ENTHD1: variants seen among roughly 807,000 people sequenced by gnomAD.
ENTHD1 encodes ENTH domain-containing protein 1.
A neutral mutation model predicts 39.1 loss-of-function variants in ENTHD1; 23 were observed. The observed-to-expected ratio is 0.59, with a 90% CI of 0.42 to 0.83. ENTHD1 has a LOEUF of 0.83. Among genes scored for constraint, ENTHD1 ranks in the 40% least tolerant of loss-of-function variants. The pLI is 0.00. For synonymous variants in ENTHD1, 230 were observed against 258.2 expected (o/e 0.89, Z 1.05); for missense variants, 624 against 705.4 (o/e 0.88, Z 1.31).
intron 4 of ENTHD1, among the ~76,000 whole-genome samples, chr22:39,824,499 G>A (rs1487706308): frequency 1.3e-5 from 2 of 152,042 alleles, no homozygotes; most frequent in Non-Finnish European, 2.9e-5. Flanking sequence ...GTGAGCCACC[G>A]CACCCGGCCC....
At chr22:39,771,429 A>C (rs578083061) in intron 5 of ENTHD1, among the ~76,000 whole-genome samples, 1 of 152,334 alleles carries the variant, frequency 6.6e-6, no homozygotes, top group South Asian at 2.1e-4. Context: ...CCAGAAAACA[A>C]GATTCAGAGC....
At chr22:39,761,252 G>A (rs1056321979) in intron 6 of ENTHD1, among the ~76,000 whole-genome samples, 2 of 152,084 alleles carry the variant, frequency 1.3e-5, no homozygotes, top group Non-Finnish European at 2.9e-5. Flanking sequence ...CTTAAAAGAT[G>A]ACTTTTCATT....
intron 6 of ENTHD1, among the ~76,000 whole-genome samples, chr22:39,745,762 A>G (rs1485630901): frequency 6.6e-6 from 1 of 152,244 alleles, no homozygotes; most frequent in Non-Finnish European, 1.5e-5. Flanking sequence ...ATGTCTGAAA[A>G]TGTCTGTACT....
intron 3 of ENTHD1, among the ~76,000 whole-genome samples, chr22:39,840,011 C>T (rs1950401524): frequency 6.6e-6 from 1 of 152,190 alleles, no homozygotes; most frequent in African/African-American, 2.4e-5. Flanking sequence ...TATCAGATAG[C>T]ATAACACTGG....
intron 5 of ENTHD1, among the ~76,000 whole-genome samples, chr22:39,793,445 C>A (rs536238946): frequency 1.3e-5 from 2 of 151,186 alleles, no homozygotes; most frequent in South Asian, 4.2e-4. Context: ...AACAGGTTGT[C>A]TCTTCACCTT....
Position 39,765,345 on chromosome 22 carries a change from C to T in ENTHD1, c.1097G>A (p.Cys366Tyr). The change falls in exon 6 of 7, where the codon TGT (cysteine) becomes TAT (tyrosine). Residue 366 changes from cysteine to tyrosine, a missense_variant. Coordinates refer to ENST00000325157, the MANE Select transcript of ENTHD1 (RefSeq NM_152512.4). ...AAATATTTTGAATGAGGGAGAGAGA[C>T]AGAGTGTTTCTACAGAGGCCTGGTT... ...FHNQASVETL[C>Y]LSPSFKIFDR... 1.2e-6 allele frequency: 2 copies of T among 1,613,928 alleles called. No individual in the cohort carries two copies. The highest frequency in any genetic ancestry group is 1.1e-5 in the South Asian group (1 of 91,060).
chr22:39,744,276 A>G lies in ENTHD1; in HGVS notation c.1227T>C (p.Thr409=). ...KILKTTTRVS[T]ASEGASSFSP... is the part of the protein sequence containing the mutation. ...AAAAGGAAGATGCTCCCTCAGAAGC[A>G]GTTGAAACTAAAATGTGTAAATGAG... The change falls in exon 7 of 7, where the codon ACT becomes ACC. Residue 409 remains threonine, a synonymous_variant. Transcript: ENST00000325157. 1 of 1,590,398 alleles carries G rather than the reference A, an allele frequency of 6.3e-7. No homozygotes were observed. Among genetic ancestry groups the G allele is most frequent in the Admixed American group, 1.8e-5 (1 of 54,264 alleles).
chr22:39,838,528 T>C, intron 3 of ENTHD1, among the ~76,000 whole-genome samples: 1 of 152,148 alleles, frequency 6.6e-6, no homozygotes, highest in East Asian at 1.9e-4. Context: ...TATACAAATA[T>C]AAATAAAATA....
intron 2 of ENTHD1, among the ~76,000 whole-genome samples, chr22:39,862,546 CAAAA>C (rs553393294): frequency 7.1e-5 from 5 of 70,370 alleles, no homozygotes; most frequent in African/African-American, 1.1e-4. Context: ...GACTCTGTCT[CAAAA>C]AAAAAAAAAA....
At chr22:39,784,370 A>G (rs1569138789) in intron 5 of ENTHD1, among the ~76,000 whole-genome samples, 2 of 152,154 alleles carry the variant, frequency 1.3e-5, no homozygotes, top group African/African-American at 2.4e-5. Context: ...TAGATCTACC[A>G]TATGATCCAG....
intron 5 of ENTHD1, among the ~76,000 whole-genome samples, chr22:39,799,536 C>T (rs575511407): frequency 5.3e-5 from 8 of 152,244 alleles, no homozygotes; most frequent in East Asian, 3.9e-4. Context: ...CAAAAAAAGA[C>T]GGGTCCTGCA....
chr22:39,809,224 C>T (rs2065666936), intron 5 of ENTHD1, among the ~76,000 whole-genome samples: 1 of 152,202 alleles, frequency 6.6e-6, no homozygotes, highest in South Asian at 2.1e-4. Context: ...AGCCAAAGAA[C>T]ACAGGCCAAA....
chr22:39,822,173 A>C (rs1432556413), intron 4 of ENTHD1, among the ~76,000 whole-genome samples: 2 of 151,414 alleles, frequency 1.3e-5, no homozygotes, highest in African/African-American at 4.8e-5. Context: ...AAGTCTATAG[A>C]GTGGGTTTAG....
chr22:39,861,455 G>A (rs533928148), intron 3 of ENTHD1, among the ~76,000 whole-genome samples: 173 of 152,218 alleles, frequency 1.1e-3, no homozygotes, highest in African/African-American at 3.8e-3. Context: ...CAGGAGAATT[G>A]CTTGAACCCA....
chr22:39,818,354 G>A (rs1314594823), intron 5 of ENTHD1, among the ~76,000 whole-genome samples: 4 of 152,166 alleles, frequency 2.6e-5, no homozygotes, highest in Admixed American at 2.0e-4. Flanking sequence ...ACAAGCCATC[G>A]CCACTGTGCT....
intron 6 of ENTHD1, among the ~76,000 whole-genome samples, chr22:39,764,383 T>A (rs1601577611): frequency 6.6e-6 from 1 of 152,080 alleles, no homozygotes; most frequent in South Asian, 2.1e-4. Flanking sequence ...GGCTGAGGGG[T>A]GGAAGGATTG....
intron 5 of ENTHD1, among the ~76,000 whole-genome samples, chr22:39,801,204 T>C (rs898301169): frequency 6.6e-6 from 1 of 152,252 alleles, no homozygotes; most frequent in Non-Finnish European, 1.5e-5. Flanking sequence ...TGAGTCAAAT[T>C]CTTACAAGGA....
chr22:39,758,779 C>T (rs1233708314), intron 6 of ENTHD1, among the ~76,000 whole-genome samples: 3 of 152,008 alleles, frequency 2.0e-5, no homozygotes, highest in Non-Finnish European at 4.4e-5. Flanking sequence ...AGCGAAGTTC[C>T]CTCTTATTCA....
chr22:39,749,537 C>A (rs1014199789), intron 6 of ENTHD1, among the ~76,000 whole-genome samples: 13 of 152,178 alleles, frequency 8.5e-5, no homozygotes, highest in Admixed American at 2.6e-4. Context: ...TAATTAAAAA[C>A]TCTTATGAGC....
Sources: gnomAD v4.1 joint callset for allele counts (sites outside exome capture counted in the v4.1 genomes callset) on GRCh38, gnomAD v4.1.1 for gene constraint, MANE v1.5 for transcripts, NCBI Gene and HGNC (gene_info 2026-07-23, HGNC 2026-07-21) for gene names.